Variants in CTNNA3 observed in about 807,000 individuals in gnomAD.
CTNNA3 encodes catenin alpha-3.
A neutral mutation model predicts 95.7 loss-of-function variants in CTNNA3; 76 were observed. The ratio of observed to expected loss-of-function variants is 0.79; its 90% CI spans 0.66 to 0.96. The LOEUF is 0.96. CTNNA3 is among the 40% of genes least tolerant of loss of function. The pLI is 0.00. For missense variants in CTNNA3, 1,191 were observed against 1,089.8 expected, an observed-to-expected ratio of 1.09 and a Z score of -1.31; for synonymous variants, 431 against 374.4, an observed-to-expected ratio of 1.15 and a Z score of -1.74.
chr10:66,581,130 T>C (rs1843172591), intron 10 of CTNNA3, among the ~76,000 whole-genome samples: 1 of 151,848 alleles, frequency 6.6e-6, no homozygotes, highest in African/African-American at 2.4e-5. Flanking sequence ...TCACATTTTC[T>C]TTATCCACTC....
intron 13 of CTNNA3, among the ~76,000 whole-genome samples, chr10:66,263,457 ATATAAAG>A (rs957826440): frequency 6.6e-6 from 1 of 152,014 alleles, no homozygotes; most frequent in East Asian, 1.9e-4. Flanking sequence ...CTTTATGCTT[ATATAAAG>A]TATAAAGAGA....
chr10:66,933,072 C>T (rs118186038), intron 7 of CTNNA3, among the ~76,000 whole-genome samples: 3,353 of 152,280 alleles, frequency 0.022, 60 homozygotes, highest in Non-Finnish European at 0.033. Context: ...ACTTTGTAAA[C>T]TCTAAAATGG....
intron 7 of CTNNA3, among the ~76,000 whole-genome samples, chr10:67,115,995 T>C (rs578028106): frequency 9.9e-5 from 15 of 152,074 alleles, no homozygotes; most frequent in Non-Finnish European, 1.6e-4. Context: ...ACAAAAAAAT[T>C]TAAAGAGTTA....
At chr10:67,065,077 G>A (rs900053229) in intron 7 of CTNNA3, among the ~76,000 whole-genome samples, 11 of 152,048 alleles carry the variant, frequency 7.2e-5, no homozygotes, top group African/African-American at 2.7e-4. Context: ...GTGACATCCC[G>A]AAAACAGAGC....
chr10:66,691,720 G>T (rs1847548731), intron 9 of CTNNA3, among the ~76,000 whole-genome samples: 1 of 152,150 alleles, frequency 6.6e-6, no homozygotes, highest in Non-Finnish European at 1.5e-5. Flanking sequence ...CCCAGTAGAG[G>T]CAGACTGACA....
chr10:67,373,082 C>T (rs1843543146), intron 5 of CTNNA3, among the ~76,000 whole-genome samples: 1 of 152,108 alleles, frequency 6.6e-6, no homozygotes, highest in South Asian at 2.1e-4. Context: ...CGTGCAAAAT[C>T]ACCAGCTAAC....
intron 5 of CTNNA3, among the ~76,000 whole-genome samples, chr10:67,452,894 C>A (rs1005772974): frequency 5.3e-5 from 8 of 152,128 alleles, no homozygotes; most frequent in African/African-American, 1.9e-4. Context: ...AATATAATAG[C>A]AAATTAAAAA....
chr10:67,052,299 C>G (rs1034939841), intron 7 of CTNNA3, among the ~76,000 whole-genome samples: 10 of 146,698 alleles, frequency 6.8e-5, no homozygotes, highest in African/African-American at 2.5e-4. Flanking sequence ...GAAGAATCTT[C>G]ACACCCACTC....
rs770082976 is a variant in CTNNA3 at position 66,360,661 on chromosome 10, TC to T, written c.1732+18490del. ...TTTCTTTCTTTCTTTCTTTCTTTCT[TC>T]CTTCCTTCCTTCCTTCCTTCCTTCC... On this transcript the variant is annotated intron_variant, in intron 12 of 17. Transcript: ENST00000433211. Among the ~76,000 whole-genome samples, 241 of 34,126 alleles carry T rather than the reference TC, an allele frequency of 7.1e-3. 17 individuals carry two copies. Among genetic ancestry groups the T allele is most frequent in the South Asian group, 0.017 (18 of 1,046 alleles). The allele number at this position is 34,126 out of a possible 152,430, so 22.4% of individuals were successfully genotyped here.
intron 7 of CTNNA3, among the ~76,000 whole-genome samples, chr10:66,806,395 A>G (rs951844899): frequency 6.6e-6 from 1 of 151,950 alleles, no homozygotes; most frequent in Non-Finnish European, 1.5e-5. Context: ...GATAAATAAG[A>G]GTCTTTAAAG....
At chr10:67,458,495 G>C (rs1167741241) in intron 5 of CTNNA3, among the ~76,000 whole-genome samples, 3 of 152,018 alleles carry the variant, frequency 2.0e-5, no homozygotes, top group Non-Finnish European at 4.4e-5. Flanking sequence ...GACTACAAAA[G>C]TTGATATTCC....
chr10:66,024,136 C>T (rs974210987), intron 15 of CTNNA3, among the ~76,000 whole-genome samples: 1 of 139,318 alleles, frequency 7.2e-6, no homozygotes, highest in Non-Finnish European at 1.5e-5. Flanking sequence ...GTCGCCCAGG[C>T]TGGAGTGCAG....
chr10:67,083,116 T>A (rs1186519422), intron 7 of CTNNA3, among the ~76,000 whole-genome samples: 2 of 152,126 alleles, frequency 1.3e-5, no homozygotes, highest in Non-Finnish European at 1.5e-5. Flanking sequence ...CCTTCATTAC[T>A]CAGCCTTTTA....
At chr10:67,515,661 A>G (rs1322962439) in intron 5 of CTNNA3, among the ~76,000 whole-genome samples, 4 of 152,248 alleles carry the variant, frequency 2.6e-5, no homozygotes, top group Non-Finnish European at 5.9e-5. Context: ...TAAGACAGAC[A>G]TGAATATTTT....
chr10:66,140,186 T>A (rs2083544317), intron 13 of CTNNA3, among the ~76,000 whole-genome samples: 1 of 152,142 alleles, frequency 6.6e-6, no homozygotes, highest in African/African-American at 2.4e-5. Flanking sequence ...GAAAACCTAT[T>A]AGTTGTTCCT....
intron 4 of CTNNA3, among the ~76,000 whole-genome samples, chr10:67,532,188 G>C (rs73268114): frequency 0.12 from 18,776 of 152,024 alleles, 2,506 homozygotes; most frequent in African/African-American, 0.34. Context: ...ATCTTAATAT[G>C]CTTTTACATA....
intron 5 of CTNNA3, among the ~76,000 whole-genome samples, chr10:67,479,536 A>C (rs912161565): frequency 1.6e-4 from 25 of 152,300 alleles, no homozygotes; most frequent in African/African-American, 5.5e-4. Flanking sequence ...CAGAAGTAAA[A>C]AAATTATTTA....
At chr10:67,271,759 A>G (rs1313137752) in intron 5 of CTNNA3, among the ~76,000 whole-genome samples, 1 of 152,192 alleles carries the variant, frequency 6.6e-6, no homozygotes, top group Non-Finnish European at 1.5e-5. Flanking sequence ...AAAGATTGAC[A>G]AAGAATCCAA....
chr10:66,360,181 A>G (rs2092642818), intron 12 of CTNNA3, among the ~76,000 whole-genome samples: 1 of 137,704 alleles, frequency 7.3e-6, no homozygotes, highest in African/African-American at 2.5e-5. Context: ...TTATATCTAT[A>G]TATAAAAACA....
Sources: allele counts gnomAD v4.1 joint callset (sites outside exome capture counted in the v4.1 genomes callset), GRCh38; gene constraint gnomAD v4.1.1; transcripts MANE v1.5; gene names NCBI Gene and HGNC (gene_info 2026-07-23, HGNC 2026-07-21).